CNTNAP4: variants seen among roughly 807,000 people sequenced by gnomAD.
CNTNAP4 encodes the protein contactin-associated protein-like 4.
A neutral mutation model predicts 148.4 loss-of-function variants in CNTNAP4; 98 were observed. That is an observed-to-expected ratio of 0.66 (90% CI 0.56 to 0.78). CNTNAP4 has a LOEUF of 0.78. Among genes scored for constraint, CNTNAP4 ranks in the 30% least tolerant of loss-of-function variants. The pLI is 0.00. For synonymous variants in CNTNAP4, 730 were observed against 565.1 expected, an observed-to-expected ratio of 1.29 and a Z score of -4.14; for missense variants, 1,935 against 1,565.6, an observed-to-expected ratio of 1.24 and a Z score of -3.98.
In CNTNAP4 at chr16:76,526,282, A is replaced by AT. The variant is rs562443930; in HGVS notation, c.2755+4025_2755+4026insT. ...AGGGATTCAAGGAACAAGGAAAAAA[A>AT]CAATGTGGCTGGAAAGAATCAGATT... On this transcript the variant is annotated intron_variant, in intron 17 of 23. Coordinates refer to ENST00000611870, the MANE Select transcript of CNTNAP4 (RefSeq NM_033401.5). Among the ~76,000 whole-genome samples, 577 of 152,324 alleles carry AT rather than the reference A, an allele frequency of 3.8e-3. 1 individual carries two copies. The highest frequency in any genetic ancestry group is 0.013 in the African/African-American group (549 of 41,590).
intron 15 of CNTNAP4, among the ~76,000 whole-genome samples, chr16:76,499,819 T>C (rs2082556302): frequency 6.6e-6 from 1 of 151,958 alleles, no homozygotes; most frequent in Non-Finnish European, 1.5e-5. Flanking sequence ...GCACCGCCCT[T>C]AATCCATTTA....
At chr16:76,431,748 G>T (rs2079614829) in intron 4 of CNTNAP4, among the ~76,000 whole-genome samples, 1 of 152,130 alleles carries the variant, frequency 6.6e-6, no homozygotes. Context: ...CTTGGTCATT[G>T]TATGTGAGGG....
intron 21 of CNTNAP4, among the ~76,000 whole-genome samples, chr16:76,550,874 C>T (rs1001679213): frequency 5.3e-5 from 8 of 151,986 alleles, no homozygotes; most frequent in African/African-American, 1.5e-4. Flanking sequence ...CTCACAGTAT[C>T]GTATGTAAGC....
At chr16:76,305,745 G>A (rs200103953) in intron 1 of CNTNAP4, among the ~76,000 whole-genome samples, 4 of 151,538 alleles carry the variant, frequency 2.6e-5, no homozygotes, top group Non-Finnish European at 4.4e-5. Context: ...TGCTACATGG[G>A]TATATTGCAC....
intron 2 of CNTNAP4, among the ~76,000 whole-genome samples, chr16:76,353,540 A>G (rs1321784636): frequency 1.3e-5 from 2 of 152,054 alleles, no homozygotes; most frequent in Non-Finnish European, 2.9e-5. Context: ...TGCGGTTGTT[A>G]AGCATCATTG....
intron 2 of CNTNAP4, among the ~76,000 whole-genome samples, chr16:76,352,156 C>G (rs1417528976): frequency 1.3e-5 from 2 of 152,058 alleles, no homozygotes; most frequent in African/African-American, 4.8e-5. Context: ...AAAAAAATGA[C>G]AAAAATACAG....
At chr16:76,553,964 A>G (rs988406811) in intron 23 of CNTNAP4, 57 bp downstream of exon 23, 10 of 1,086,910 alleles carry the variant, frequency 9.2e-6, no homozygotes, top group Non-Finnish European at 1.4e-5. Flanking sequence ...AATGATGATG[A>G]ATATTTAGCA....
chr16:76,308,291 T>G (rs576063449), intron 1 of CNTNAP4, among the ~76,000 whole-genome samples: 67 of 152,344 alleles, frequency 4.4e-4, no homozygotes, highest in African/African-American at 1.5e-3. Flanking sequence ...CTCGTGGCAT[T>G]TAATCGAGTT....
chr16:76,356,095 G>A (rs958026839), intron 3 of CNTNAP4, among the ~76,000 whole-genome samples: 1 of 151,778 alleles, frequency 6.6e-6, no homozygotes, highest in Non-Finnish European at 1.5e-5. Context: ...GGCTGGACTC[G>A]AACTCCTGGC....
chr16:76,353,128 G>C (rs2012066226), intron 2 of CNTNAP4, among the ~76,000 whole-genome samples: 1 of 152,150 alleles, frequency 6.6e-6, no homozygotes, highest in African/African-American at 2.4e-5. Context: ...AAAACTTGTA[G>C]CATGTAAAAA....
At position 76,402,890 on chromosome 16, in the gene CNTNAP4, G is replaced by A. The variant is rs146943360; in HGVS notation, c.391-24562G>A. On this transcript the variant is annotated intron_variant, in intron 3 of 23. Coordinates refer to ENST00000611870, the MANE Select transcript of CNTNAP4 (RefSeq NM_033401.5). ...TGTCAGTCTTCTGTTTTTATTGTGC[G>A]TGGTCTGAGAGTGTGTTTTGTATAA... 2.9e-3 allele frequency among the ~76,000 whole-genome samples: 437 copies of A among 152,110 alleles called. 3 individuals are homozygous for A. Among genetic ancestry groups the A allele is most frequent in the African/African-American group, 0.01 (422 of 41,480 alleles).
chr16:76,448,134 C>G lies in CNTNAP4; in HGVS notation c.661C>G (p.Leu221Val). Residue 221 changes from leucine to valine, a missense_variant, in exon 5 of 24, where the codon CTA becomes GTA. Transcript: ENST00000611870. ...CAAAACCATGCAGAGTGATGGGATTCTACTCCACAGGGAAGGGCCAAATGG... is the reference window on the plus strand; with the variant it reads ...CAAAACCATGCAGAGTGATGGGATTGTACTCCACAGGGAAGGGCCAAATGG... ...KFKTMQSDGI[L>V]LHREGPNGDH... 1 of 1,613,324 alleles carries G rather than the reference C, an allele frequency of 6.2e-7. No homozygotes were observed. The highest frequency in any genetic ancestry group is 8.5e-7 in the Non-Finnish European group (1 of 1,179,346).
At chr16:76,429,697 C>G (rs183607730) in intron 4 of CNTNAP4, among the ~76,000 whole-genome samples, 162 of 152,276 alleles carry the variant, frequency 1.1e-3, no homozygotes, top group African/African-American at 3.8e-3. Context: ...GAGTTATCTG[C>G]TGCTCTGTGG....
intron 21 of CNTNAP4, among the ~76,000 whole-genome samples, chr16:76,543,901 A>G (rs2084575257): frequency 6.6e-6 from 1 of 152,058 alleles, no homozygotes; most frequent in African/African-American, 2.4e-5. Flanking sequence ...TATGTTTTGC[A>G]TTTTTGTAAG....
At chr16:76,358,214 T>C (rs768666522) in intron 3 of CNTNAP4, among the ~76,000 whole-genome samples, 128 of 152,140 alleles carry the variant, frequency 8.4e-4, no homozygotes, top group Non-Finnish European at 1.5e-3. Flanking sequence ...CATGTGCCTA[T>C]AATCCCAGCT....
intron 17 of CNTNAP4, among the ~76,000 whole-genome samples, chr16:76,530,740 A>AGTCCT (rs1199377510): frequency 6.6e-6 from 1 of 152,190 alleles, no homozygotes; most frequent in African/African-American, 2.4e-5. Context: ...AAGGAAGAAT[A>AGTCCT]GTCCTGTTCC....
chr16:76,368,346 A>C (rs1309514371), intron 3 of CNTNAP4, among the ~76,000 whole-genome samples: 1 of 152,232 alleles, frequency 6.6e-6, no homozygotes, highest in East Asian at 1.9e-4. Context: ...AAGGATTATA[A>C]GTTATTCTAC....
intron 3 of CNTNAP4, among the ~76,000 whole-genome samples, chr16:76,403,499 T>C (rs536576681): frequency 1.3e-5 from 2 of 152,246 alleles, no homozygotes; most frequent in South Asian, 4.1e-4. Flanking sequence ...CAATGAGATA[T>C]CATCTCACAC....
At chr16:76,287,366 G>A (rs1264734496) in intron 1 of CNTNAP4, among the ~76,000 whole-genome samples, 1 of 152,090 alleles carries the variant, frequency 6.6e-6, no homozygotes, top group African/African-American at 2.4e-5. Context: ...CGCTTAACAC[G>A]CAAAACAGCC....
Sources: gnomAD v4.1 joint callset for allele counts (sites outside exome capture counted in the v4.1 genomes callset) on GRCh38, gnomAD v4.1.1 for gene constraint, MANE v1.5 for transcripts, NCBI Gene and HGNC (gene_info 2026-07-23, HGNC 2026-07-21) for gene names.